Variants in PIGB observed in about 807,000 individuals in gnomAD.
PIGB encodes the protein GPI alpha-1,2-mannosyltransferase 3.
Under a neutral mutation model 68.4 loss-of-function variants are expected in PIGB, and 58 were observed. The ratio of observed to expected loss-of-function variants is 0.85; its 90% CI spans 0.69 to 1.06. The LOEUF is 1.06. PIGB is among the 50% of genes least tolerant of loss of function. The pLI, the probability that PIGB is intolerant of heterozygous loss-of-function variation, is 0.00. For synonymous variants in PIGB, 219 were observed against 220.5 expected (o/e 0.99, Z 0.06); for missense variants, 634 against 655.8 (o/e 0.97, Z 0.36).
At position 55,355,430 on chromosome 15, in the gene PIGB, T is replaced by C. The variant is rs1289137251; in HGVS notation, c.1663T>C (p.Ter555ArgextTer54). 2 of 1,605,154 alleles carry C rather than the reference T, an allele frequency of 1.2e-6. No homozygotes were observed. The highest frequency in any genetic ancestry group is 1.7e-6 in the Non-Finnish European group (2 of 1,176,152). ...KGKFNMKMKF[*>R] ...GAAATTCAACATGAAGATGAAATTC[T>C]GAACTTTCCTAGATAAATTAACATT... The change falls in exon 12 of 12, where the codon TGA becomes CGA. Residue 555 changes from the stop codon to arginine (R), a stop_lost. Transcript: ENST00000164305.
rs374683561 is a variant in PIGB, at chr15:55,351,110, C to CTT, written c.1337+213_1337+214dup. Among the ~76,000 whole-genome samples the CTT allele has an allele frequency of 5.9e-3, 807 of 135,680 alleles. 8 individuals carry two copies. Among genetic ancestry groups the CTT allele is most frequent in the South Asian group, 0.013 (55 of 4,286 alleles). 89.0% of individuals were successfully genotyped at this position (135,680 alleles called of 152,430 possible). ...AAAATGTTTTAAATAAACTTTTTTTCTTTTTTTTTTTTTTTTGAGACGGAG... is the reference window on the plus strand; with the variant it reads ...AAAATGTTTTAAATAAACTTTTTTTCTTTTTTTTTTTTTTTTTTGAGACGGAG... On this transcript the variant is annotated intron_variant, in intron 10 of 11. Transcript: ENST00000164305.
intron 7 of PIGB, 42 bp downstream of exon 7, chr15:55,339,360 A>T: frequency 8.0e-7 from 1 of 1,253,650 alleles, no homozygotes; most frequent in Non-Finnish European, 1.1e-6. Context: ...TTTTATTTTT[A>T]ATCCATTAAT....
chr15:55,325,080 AC>A (rs1473913622), intron 3 of PIGB, among the ~76,000 whole-genome samples: 3 of 152,172 alleles, frequency 2.0e-5, no homozygotes, highest in Admixed American at 1.3e-4. Flanking sequence ...TAATCCCAGC[AC>A]TTTGGGAGGG....
intron 9 of PIGB, chr15:55,350,189 T>TA (rs2055891038): frequency 6.5e-6 from 1 of 153,232 alleles, no homozygotes; most frequent in Admixed American, 6.5e-5. Flanking sequence ...CTCATATACT[T>TA]ACGGAAAATC....
intron 6 of PIGB, among the ~76,000 whole-genome samples, chr15:55,338,814 T>C (rs747328094): frequency 1.1e-4 from 17 of 152,116 alleles, no homozygotes; most frequent in Admixed American, 2.0e-4. Context: ...CCAGCAACCA[T>C]GTGAGCAAAT....
chr15:55,340,957 A>G lies in PIGB; in HGVS notation c.1058+134A>G, dbSNP rs2055656784. 1.5e-5 allele frequency: 9 copies of G among 598,044 alleles called. No individual in the cohort carries two copies. In the South Asian group the frequency reaches 1.8e-4, roughly 12 times the overall value. 37.0% of individuals were successfully genotyped at this position (598,044 alleles called of 1,614,324 possible). On this transcript the variant is annotated intron_variant, in intron 8 of 11. Transcript: ENST00000164305. Reference sequence around the variant, plus strand: ...TAGTGGGAATTATCTTAGAAGATACAAGTAGTAGTAATTATGGAGGCACTA... The same window carrying G: ...TAGTGGGAATTATCTTAGAAGATACGAGTAGTAGTAATTATGGAGGCACTA...
chr15:55,347,356 G>A (rs2055817519), intron 9 of PIGB, among the ~76,000 whole-genome samples: 1 of 152,244 alleles, frequency 6.6e-6, no homozygotes, highest in Non-Finnish European at 1.5e-5. Context: ...TAACCCAGGA[G>A]GTGGAGGTTG....
chr15:55,331,474 G>A (rs974056545), intron 5 of PIGB, among the ~76,000 whole-genome samples: 1 of 152,126 alleles, frequency 6.6e-6, no homozygotes, highest in Non-Finnish European at 1.5e-5. Flanking sequence ...CACACTTTGG[G>A]AGGCCGAGAC....
At chr15:55,322,337 C>A (rs78496713) in intron 3 of PIGB, among the ~76,000 whole-genome samples, 9,549 of 152,204 alleles carry the variant, frequency 0.063, 421 homozygotes, top group African/African-American at 0.13. Flanking sequence ...ATTTGACAAA[C>A]ATTTAATGAT....
At chr15:55,336,059 A>G (rs2055528154) in intron 6 of PIGB, among the ~76,000 whole-genome samples, 1 of 152,194 alleles carries the variant, frequency 6.6e-6, no homozygotes, top group South Asian at 2.1e-4. Flanking sequence ...ATAACAATAC[A>G]GATGCTCCTT....
intron 6 of PIGB, among the ~76,000 whole-genome samples, chr15:55,338,264 T>C (rs974557301): frequency 6.6e-6 from 1 of 152,142 alleles, no homozygotes; most frequent in African/African-American, 2.4e-5. Context: ...CCCCTCCCCC[T>C]TGAACATGGG....
At chr15:55,344,858 T>C (rs1384697508) in intron 9 of PIGB, among the ~76,000 whole-genome samples, 3 of 151,878 alleles carry the variant, frequency 2.0e-5, no homozygotes, top group Non-Finnish European at 4.4e-5. Context: ...ACTTCTCTCT[T>C]ACTGGGCCAC....
intron 6 of PIGB, among the ~76,000 whole-genome samples, chr15:55,337,632 A>G (rs1234908006): frequency 1.3e-5 from 2 of 152,190 alleles, no homozygotes; most frequent in Non-Finnish European, 2.9e-5. Flanking sequence ...CCTGGTGCCA[A>G]AAAGGTTAGG....
chr15:55,329,715 T>G lies in PIGB; in HGVS notation c.523-9T>G. The G allele has an allele frequency of 6.2e-7, 1 of 1,605,584 alleles. No homozygotes were observed. Among genetic ancestry groups the G allele is most frequent in the Non-Finnish European group, 8.5e-7 (1 of 1,176,548 alleles). On this transcript the variant is annotated splice_polypyrimidine_tract_variant and intron_variant, in intron 4 of 11. Transcript: ENST00000164305. ...ATTTCATATATGTTTGCTCTGTACT[T>G]TTTCTTAGTTTTTTTGCCAGTTGTG...
At chr15:55,320,996 T>G (rs1012970777) in intron 2 of PIGB, among the ~76,000 whole-genome samples, 1 of 152,172 alleles carries the variant, frequency 6.6e-6, no homozygotes, top group Non-Finnish European at 1.5e-5. Flanking sequence ...ATTACTGCCT[T>G]GAAGAAGTTA....
chr15:55,347,574 A>AT (rs1566958459), intron 9 of PIGB, among the ~76,000 whole-genome samples: 1 of 152,342 alleles, frequency 6.6e-6, no homozygotes, highest in East Asian at 1.9e-4. Flanking sequence ...ACAAAAGCTC[A>AT]TCGGATCCAT....
At chr15:55,319,470 CCATTT>C in intron 1 of PIGB, 57 bp downstream of exon 1, 1 of 1,342,078 alleles carries the variant, frequency 7.5e-7, no homozygotes. Flanking sequence ...GGAACCCCCT[CCATTT>C]CATTACCAGC....
At chr15:55,353,987 A>G (rs923251265) in intron 10 of PIGB, among the ~76,000 whole-genome samples, 4 of 151,046 alleles carry the variant, frequency 2.6e-5, no homozygotes, top group East Asian at 1.9e-4. Context: ...CTACTTCTCA[A>G]TCATCTTAAA....
At chr15:55,353,836 C>A (rs1393828415) in intron 10 of PIGB, among the ~76,000 whole-genome samples, 1 of 151,938 alleles carries the variant, frequency 6.6e-6, no homozygotes, top group East Asian at 1.9e-4. Context: ...AACTCCTGAC[C>A]TCCAGTGATC....
Sources: allele counts gnomAD v4.1 joint callset (sites outside exome capture counted in the v4.1 genomes callset), GRCh38; gene constraint gnomAD v4.1.1; transcripts MANE v1.5; gene names NCBI Gene and HGNC (gene_info 2026-07-23, HGNC 2026-07-21).